The following PKHD1L1 variants were observed in gnomAD, a reference collection of about 807,000 sequenced individuals.
PKHD1L1 encodes the protein PKHD1 like 1.
Under a neutral mutation model 462.9 loss-of-function variants are expected in PKHD1L1, and 434 were observed. The ratio of observed to expected loss-of-function variants is 0.94; its 90% CI spans 0.87 to 1.02. The LOEUF (loss-of-function observed/expected upper bound fraction) is 1.02, where lower values mean the gene tolerates loss of function less well. Ranked by LOEUF, PKHD1L1 falls within the 50% of genes least tolerant of loss-of-function variation. The pLI is 0.00. For missense variants in PKHD1L1, 5,202 were observed against 5,096.1 expected, an observed-to-expected ratio of 1.02 and a Z score of -0.63; for synonymous variants, 1,781 against 1,750.0, an observed-to-expected ratio of 1.02 and a Z score of -0.44.
chr8:109,443,578 TA>T, intron 36 of PKHD1L1, 97 bp from the exon 37 acceptor site: 1 of 984,460 alleles, frequency 1.0e-6, no homozygotes, highest in Non-Finnish European at 1.5e-6. Flanking sequence ...TACCAGAATT[TA>T]AACCATCATC....
At position 109,425,191 on chromosome 8, in the gene PKHD1L1, G is replaced by A. The variant is rs754235505; in HGVS notation, c.2804G>A (p.Ser935Asn). Residue 935 changes from serine (S) to asparagine (N), a missense_variant, in exon 24 of 78, where the codon AGT becomes AAT. By Grantham distance (46) the Ser-to-Asn change is conservative (BLOSUM62 1). This residue lies in a region of PKHD1L1 where 4,497 missense variants were observed against 4,336.8 expected (regional missense o/e 1.04). Coordinates refer to ENST00000378402, the MANE Select transcript of PKHD1L1 (RefSeq NM_177531.6). ...ATTCAAGCTGCATCTCCACCTCTAA[G>A]TGGCAGCTTTGACATTCAAGCTTAT... ...QRIQAASPPLSGSFDIQAYGH... is the reference protein window; with the variant it reads ...QRIQAASPPLNGSFDIQAYGH... The A allele has an allele frequency of 1.2e-6, 2 of 1,607,492 alleles. No individual in the cohort carries two copies. The highest frequency in any genetic ancestry group is 1.7e-6 in the Non-Finnish European group (2 of 1,177,808).
intron 50 of PKHD1L1, among the ~76,000 whole-genome samples, chr8:109,468,195 A>T (rs907843335): frequency 6.6e-6 from 1 of 152,174 alleles, no homozygotes; most frequent in Non-Finnish European, 1.5e-5. Flanking sequence ...ATCCATCAGG[A>T]CATGCTGGAA....
chr8:109,481,332 C>T (rs1818262134), intron 55 of PKHD1L1, 101 bp from the exon 56 acceptor site: 2 of 1,122,462 alleles, frequency 1.8e-6, no homozygotes, highest in Non-Finnish European at 2.4e-6. Flanking sequence ...AAACTCATTC[C>T]TTTTTACTAG....
At position 109,466,764 on chromosome 8, in the gene PKHD1L1, C is replaced by G; in HGVS notation, c.8600C>G (p.Ser2867Cys). Residue 2867 changes from serine (S) to cysteine (C), a missense_variant, in exon 50 of 78, where the codon TCT (serine) becomes TGT (cysteine). Physicochemically the swap from Ser to Cys is moderately radical, Grantham distance 112. This residue lies in a region of PKHD1L1 where 4,497 missense variants were observed against 4,336.8 expected (regional missense o/e 1.04). Transcript: ENST00000378402. ...LLEKDVVLSD[S>C]FGTSIIPFQK... ...GAAAAGGATGTGGTTCTTTCAGACT[C>G]TTTTGGTAAGTGGAATATATTAGTT... 1 of 1,610,100 alleles carries G rather than the reference C, an allele frequency of 6.2e-7. No homozygotes were observed. Among genetic ancestry groups the G allele is most frequent in the Non-Finnish European group, 8.5e-7 (1 of 1,178,380 alleles).
intron 2 of PKHD1L1, among the ~76,000 whole-genome samples, chr8:109,372,604 C>A (rs1345759484): frequency 3.3e-5 from 5 of 152,150 alleles, no homozygotes; most frequent in African/African-American, 1.2e-4. Context: ...GGAATGCTTC[C>A]AGTTTTTGTC....
At chr8:109,388,166 A>G (rs1162685350) in intron 6 of PKHD1L1, among the ~76,000 whole-genome samples, 1 of 152,106 alleles carries the variant, frequency 6.6e-6, no homozygotes, top group Non-Finnish European at 1.5e-5. Flanking sequence ...ATCTGTTTCT[A>G]TGTTGTCTTT....
At position 109,497,259 on chromosome 8, in the gene PKHD1L1, A is replaced by G. The variant is rs369795858; in HGVS notation, c.10586A>G (p.Asn3529Ser). The G allele has an allele frequency of 5.6e-6, 9 of 1,613,448 alleles. No individual in the cohort carries two copies. Among genetic ancestry groups the G allele is most frequent in the South Asian group, 2.2e-5 (2 of 91,038 alleles). ...ATATCACACAAAATTTCCAGTAAAA[A>G]TGTACAAATTAAGGTAAGAAATTAA... The part of the protein sequence containing the change: ...AAISHKISSK[N>S]VQIKSSLIVG... The change falls in exon 65 of 78, where the codon AAT becomes AGT. Residue 3529 changes from asparagine (N) to serine (S), a missense_variant. Around this residue, in one of 3 missense-constraint regions of PKHD1L1, gnomAD observed 4,497 missense variants for 4,336.8 expected, o/e 1.04. Coordinates refer to ENST00000378402, the MANE Select transcript of PKHD1L1 (RefSeq NM_177531.6).
In PKHD1L1 at chr8:109,486,678, A is replaced by G; in HGVS notation, c.9737A>G (p.Glu3246Gly). The change falls in exon 59 of 78, where the codon GAG becomes GGG. Residue 3246 changes from glutamate (E) to glycine (G), a missense_variant. Physicochemically the swap from Glu to Gly is moderately conservative, Grantham distance 98 (BLOSUM62 -2). Transcript: ENST00000378402. ...AAATACCATGTCCCTGGAACTGGTGAGAGCTACACGTTAGCAGCTGATGTT... is the reference window on the plus strand; with the variant it reads ...AAATACCATGTCCCTGGAACTGGTGGGAGCTACACGTTAGCAGCTGATGTT... ...AEKYHVPGTGESYTLAADVGI... is the reference protein window; with the variant it reads ...AEKYHVPGTGGSYTLAADVGI... 1.2e-6 allele frequency: 2 copies of G among 1,612,036 alleles called. No individual in the cohort carries two copies. Among genetic ancestry groups the G allele is most frequent in the Non-Finnish European group, 1.7e-6 (2 of 1,178,688 alleles).
chr8:109,434,894 A>T (rs187358879), intron 28 of PKHD1L1, among the ~76,000 whole-genome samples: 4,541 of 151,574 alleles, frequency 0.03, 88 homozygotes, highest in Non-Finnish European at 0.045. Context: ...TTTTTTTTTT[A>T]AAAAAATTAT....
At chr8:109,428,008 A>G (rs1049431662) in intron 25 of PKHD1L1, among the ~76,000 whole-genome samples, 15 of 141,996 alleles carry the variant, frequency 1.1e-4, no homozygotes, top group Middle Eastern at 3.7e-3. Flanking sequence ...GGGCAACAAG[A>G]GCAAAACTCC....
Position 109,419,236 on chromosome 8 carries a change from AC to A in PKHD1L1, c.2501del (p.Thr834AsnfsTer18). 6.2e-7 allele frequency: 1 copy of A among 1,607,848 alleles called. No homozygotes were observed. Among genetic ancestry groups the A allele is most frequent in the Non-Finnish European group, 8.5e-7 (1 of 1,176,302 alleles). On this transcript the variant is annotated frameshift_variant, in exon 22 of 78. Transcript: ENST00000378402. LOFTEE classifies it high-confidence loss of function. ...FYVDVVYIGH[T>X]STISTLDEMP... ...TGTGGATGTAGTGTACATTGGACAC[AC>A]ATCTACAATCTCAACATTGGATGGT...
rs747510747 is a variant in PKHD1L1 at position 109,480,090 on chromosome 8, A to G, written c.9278A>G (p.Glu3093Gly). 5 of 1,580,710 alleles carry G rather than the reference A, an allele frequency of 3.2e-6. No homozygotes were observed. In the East Asian group the frequency reaches 1.1e-4, roughly 36 times the overall value. ...GATAAATACAATGTAGGAGCTGCAG[A>G]ATCTTCTTACAGAGAAGTTGTTTTG... ...LEDKYNVGAA[E>G]SSYREVVLNA... Residue 3093 changes from glutamate to glycine, a missense_variant, in exon 55 of 78, where the codon GAA becomes GGA. By Grantham distance (98) the Glu-to-Gly change is moderately conservative (BLOSUM62 -2). This residue lies in a region of PKHD1L1 where 4,497 missense variants were observed against 4,336.8 expected (regional missense o/e 1.04). Transcript: ENST00000378402.
At chr8:109,442,752 T>C (rs1815872381) in intron 35 of PKHD1L1, among the ~76,000 whole-genome samples, 194 bp from the exon 36 acceptor site, 1 of 152,236 alleles carries the variant, frequency 6.6e-6, no homozygotes, top group Admixed American at 6.5e-5. Flanking sequence ...TTTCATGGAA[T>C]GTAATTTCGT....
intron 43 of PKHD1L1, among the ~76,000 whole-genome samples, 172 bp downstream of exon 43, chr8:109,453,046 T>A (rs1487910877): frequency 6.6e-6 from 1 of 152,198 alleles, no homozygotes; most frequent in African/African-American, 2.4e-5. Flanking sequence ...ATTATGATAT[T>A]ATTTAATGTG....
At chr8:109,474,777 T>C (rs1817893773) in intron 50 of PKHD1L1, among the ~76,000 whole-genome samples, 1 of 152,138 alleles carries the variant, frequency 6.6e-6, no homozygotes, top group South Asian at 2.1e-4. Flanking sequence ...TTAGGCACTT[T>C]CGTTTTAGCA....
chr8:109,386,294 T>C (rs1812440485), intron 6 of PKHD1L1, among the ~76,000 whole-genome samples: 1 of 152,220 alleles, frequency 6.6e-6, no homozygotes, highest in African/African-American at 2.4e-5. Flanking sequence ...CAGTCCTGCC[T>C]TTAAAGACTG....
At chr8:109,453,385 T>C (rs1006250044) in intron 43 of PKHD1L1, among the ~76,000 whole-genome samples, 1 of 152,206 alleles carries the variant, frequency 6.6e-6, no homozygotes, top group Non-Finnish European at 1.5e-5. Context: ...TGTTGTTGCC[T>C]GGGTTTGTCT....
intron 44 of PKHD1L1, 32 bp downstream of exon 44, chr8:109,454,278 C>T: frequency 6.9e-7 from 1 of 1,440,686 alleles, no homozygotes; most frequent in South Asian, 1.3e-5. Flanking sequence ...ATATTCATTT[C>T]CAACCTGTCT....
chr8:109,479,477 C>T (rs141765718), intron 53 of PKHD1L1, 74 bp from the exon 54 acceptor site: 303 of 991,680 alleles, frequency 3.1e-4, no homozygotes, highest in African/African-American at 3.0e-3. Flanking sequence ...GGAAATGGAA[C>T]GGTTTACATT....
Sources: allele counts gnomAD v4.1 joint callset (sites outside exome capture counted in the v4.1 genomes callset), GRCh38; gene constraint gnomAD v4.1.1; regional missense constraint gnomAD v4.1.1; transcripts MANE v1.5; gene names NCBI Gene and HGNC (gene_info 2026-07-23, HGNC 2026-07-21).